NCAM2: variants seen among roughly 807,000 people sequenced by gnomAD.
NCAM2 encodes the protein neural cell adhesion molecule 2.
In NCAM2, 30 loss-of-function variants were observed where a neutral mutation model predicts 98.1. The observed-to-expected ratio is 0.31, with a 90% CI of 0.23 to 0.41. The LOEUF is 0.41. Ranked by LOEUF, NCAM2 falls within the 10% of genes least tolerant of loss-of-function variation. The pLI is 1.00. For synonymous variants in NCAM2, 368 were observed against 342.4 expected (o/e 1.07, Z -0.83); for missense variants, 867 against 1,005.8 (o/e 0.86, Z 1.87).
In NCAM2 at chr21:21,338,686, G is replaced by A. The variant is rs371634463; in HGVS notation, c.1044+152G>A. On this transcript the variant is annotated intron_variant, in intron 8 of 17. Transcript: ENST00000400546. ...TTAAAAAGGTAACTAACACAATGTCGGCTTTACCACTTTCGTGGGAGGGGA... is the reference window on the plus strand; with the variant it reads ...TTAAAAAGGTAACTAACACAATGTCAGCTTTACCACTTTCGTGGGAGGGGA... The A allele has an allele frequency of 1.8e-4, 136 of 767,512 alleles. 1 individual carries two copies. In the East Asian group the frequency reaches 2.6e-3, roughly 15 times the overall value. 47.5% of individuals were successfully genotyped at this position (767,512 alleles called of 1,614,324 possible).
At chr21:21,341,398 T>C (rs113694760) in intron 8 of NCAM2, among the ~76,000 whole-genome samples, 5 of 152,248 alleles carry the variant, frequency 3.3e-5, no homozygotes, top group African/African-American at 1.2e-4. Flanking sequence ...TCAAGCCATA[T>C]TTTGGGAAAC....
chr21:21,341,751 A>C lies in NCAM2; in HGVS notation c.1044+3217A>C, dbSNP rs1363087468. 2.0e-5 allele frequency among the ~76,000 whole-genome samples: 3 copies of C among 149,742 alleles called. No individual in the cohort carries two copies. In the East Asian group the frequency reaches 5.8e-4, roughly 29 times the overall value. On this transcript the variant is annotated intron_variant, in intron 8 of 17. Transcript: ENST00000400546. ...TAAGTTCTCAATCACCAGATAAGAC[A>C]AAAAAAATGGGGATAAAATACCATG...
intron 8 of NCAM2, among the ~76,000 whole-genome samples, chr21:21,369,903 T>C (rs1466531727): frequency 1.3e-5 from 2 of 151,822 alleles, no homozygotes; most frequent in Non-Finnish European, 2.9e-5. Flanking sequence ...ACCATTTTTT[T>C]CCTACTTTTC....
At chr21:21,385,406 A>ATACACG (rs1466850674) in intron 9 of NCAM2, among the ~76,000 whole-genome samples, 1 of 150,622 alleles carries the variant, frequency 6.6e-6, no homozygotes, top group African/African-American at 2.5e-5. Context: ...ACACGCACAC[A>ATACACG]CACATACACA....
chr21:21,390,642 T>C (rs1390231500), intron 9 of NCAM2, among the ~76,000 whole-genome samples: 1 of 152,208 alleles, frequency 6.6e-6, no homozygotes, highest in Non-Finnish European at 1.5e-5. Flanking sequence ...TTAATTAGAA[T>C]GGATTACATT....
intron 6 of NCAM2, among the ~76,000 whole-genome samples, chr21:21,328,443 A>G (rs959690188): frequency 6.6e-6 from 1 of 152,138 alleles, no homozygotes; most frequent in South Asian, 2.1e-4. Flanking sequence ...AAGGATTGTT[A>G]TCCTAGGAGA....
In NCAM2 at chr21:21,163,474, T is replaced by C. The variant is rs566533298; in HGVS notation, c.56-117104T>C. 2.6e-5 allele frequency among the ~76,000 whole-genome samples: 4 copies of C among 152,320 alleles called. No homozygotes were observed. In the South Asian group the frequency reaches 8.3e-4, roughly 32 times the overall value. On this transcript the variant is annotated intron_variant, in intron 1 of 17. Coordinates refer to ENST00000400546, the MANE Select transcript of NCAM2 (RefSeq NM_004540.5). ...CCTCTTGAAAACATTTTCGTTTGCT[T>C]TATTTTTTTTTGCTGAGGTTATTAT...
At chr21:21,170,662 T>A (rs1174978123) in intron 1 of NCAM2, among the ~76,000 whole-genome samples, 1 of 152,196 alleles carries the variant, frequency 6.6e-6, no homozygotes, top group East Asian at 1.9e-4. Flanking sequence ...GGAATTACTC[T>A]GTTTGATACT....
At chr21:21,365,238 C>CGTGCGTGTGTGTGTGT (rs1210171656) in intron 8 of NCAM2, among the ~76,000 whole-genome samples, 90 of 146,900 alleles carry the variant, frequency 6.1e-4, no homozygotes, top group Non-Finnish European at 1.2e-3. Context: ...TTGCTTAGTG[C>CGTGCGTGTGTGTGTGT]GTGTGTGTGT....
chr21:21,142,379 T>A (rs2067186662), intron 1 of NCAM2, among the ~76,000 whole-genome samples: 1 of 140,086 alleles, frequency 7.1e-6, no homozygotes, highest in African/African-American at 2.7e-5. Flanking sequence ...TTTTTTATGT[T>A]TTTTTTTTTT....
intron 1 of NCAM2, among the ~76,000 whole-genome samples, chr21:21,197,975 C>T (rs1033355754): frequency 4.6e-5 from 7 of 152,170 alleles, no homozygotes; most frequent in Non-Finnish European, 8.8e-5. Context: ...CAGTGGTCTC[C>T]ATGCCTGTCT....
intron 1 of NCAM2, among the ~76,000 whole-genome samples, chr21:21,162,081 T>G (rs2067803003): frequency 6.6e-6 from 1 of 152,096 alleles, no homozygotes; most frequent in African/African-American, 2.4e-5. Context: ...ACTGAACCAT[T>G]TGATAATGTA....
chr21:21,018,067 A>G (rs1282198995), intron 1 of NCAM2, among the ~76,000 whole-genome samples: 1 of 152,172 alleles, frequency 6.6e-6, no homozygotes, highest in Non-Finnish European at 1.5e-5. Flanking sequence ...TGCTTCTAAG[A>G]AGCAAATGTA....
chr21:21,432,082 T>C, intron 11 of NCAM2, 26 bp from the exon 12 acceptor site: 2 of 1,604,518 alleles, frequency 1.2e-6, no homozygotes, highest in East Asian at 4.5e-5. Context: ...CTTGGTTATG[T>C]TTTCTTTATA....
chr21:21,309,573 T>C (rs1382745090), intron 5 of NCAM2, among the ~76,000 whole-genome samples: 1 of 152,170 alleles, frequency 6.6e-6, no homozygotes, highest in Non-Finnish European at 1.5e-5. Flanking sequence ...CTGGCCTCAG[T>C]TACTTTCCTC....
intron 1 of NCAM2, among the ~76,000 whole-genome samples, chr21:21,083,405 C>T (rs987344856): frequency 3.6e-5 from 1 of 27,748 alleles, no homozygotes; most frequent in African/African-American, 5.5e-5. Flanking sequence ...TAGACCCAAG[C>T]TGAACACTAT....
intron 4 of NCAM2, among the ~76,000 whole-genome samples, chr21:21,286,710 A>G (rs1256059216): frequency 1.3e-5 from 2 of 151,840 alleles, no homozygotes; most frequent in East Asian, 3.9e-4. Flanking sequence ...ATATACAATC[A>G]TTAGCCTAAA....
At chr21:21,126,299 A>T (rs1487539980) in intron 1 of NCAM2, among the ~76,000 whole-genome samples, 1 of 151,074 alleles carries the variant, frequency 6.6e-6, no homozygotes, top group East Asian at 1.9e-4. Flanking sequence ...ACCTAGTGAA[A>T]ACATTTTTTA....
At chr21:21,154,206 G>C (rs1364331548) in intron 1 of NCAM2, among the ~76,000 whole-genome samples, 5 of 151,744 alleles carry the variant, frequency 3.3e-5, no homozygotes, top group Non-Finnish European at 5.9e-5. Context: ...GGATTACATA[G>C]ATAAAATGAC....
Sources: gnomAD v4.1 joint callset for allele counts (sites outside exome capture counted in the v4.1 genomes callset) on GRCh38, gnomAD v4.1.1 for gene constraint, MANE v1.5 for transcripts, NCBI Gene and HGNC (gene_info 2026-07-23, HGNC 2026-07-21) for gene names.